The following CDC73 variants were observed in gnomAD, a reference collection of about 807,000 sequenced individuals.
CDC73 encodes parafibromin.
Under a neutral mutation model 83.7 loss-of-function variants are expected in CDC73, and 21 were observed. That is an observed-to-expected ratio of 0.25 (90% CI 0.18 to 0.36). CDC73 has a LOEUF of 0.36. Ranked by LOEUF, CDC73 falls within the 10% of genes least tolerant of loss-of-function variation. The pLI is 1.00. For missense variants in CDC73, 342 were observed against 653.3 expected (o/e 0.52, Z 5.19); for synonymous variants, 224 against 212.9 (o/e 1.05, Z -0.45).
At chr1:193,137,831 G>A (rs1347471196) in intron 5 of CDC73, among the ~76,000 whole-genome samples, 1 of 152,166 alleles carries the variant, frequency 6.6e-6, no homozygotes, top group African/African-American at 2.4e-5. Flanking sequence ...TATGGGAAGA[G>A]CACTTAATCA....
At chr1:193,169,654 T>C (rs1169093175) in intron 10 of CDC73, among the ~76,000 whole-genome samples, 1 of 152,244 alleles carries the variant, frequency 6.6e-6, no homozygotes, top group Non-Finnish European at 1.5e-5. Flanking sequence ...GATGCAAGAA[T>C]ATTAAATGAA....
chr1:193,225,670 A>AT (rs968926611), intron 13 of CDC73, among the ~76,000 whole-genome samples: 9 of 151,686 alleles, frequency 5.9e-5, no homozygotes, highest in East Asian at 1.9e-4. Context: ...GATGTTGAGC[A>AT]TTTTTTTCAT....
chr1:193,137,081 T>A (rs72731068), intron 5 of CDC73, among the ~76,000 whole-genome samples: 1 of 152,180 alleles, frequency 6.6e-6, no homozygotes, highest in African/African-American at 2.4e-5. Flanking sequence ...TTTGAGGATC[T>A]ATAAGGAACT....
chr1:193,174,311 C>A (rs559793091), intron 10 of CDC73, among the ~76,000 whole-genome samples: 6 of 151,660 alleles, frequency 4.0e-5, no homozygotes, highest in Non-Finnish European at 7.4e-5. Flanking sequence ...TTTTCAGGAC[C>A]CTTTTTCTTC....
chr1:193,227,453 C>G (rs1286508724), intron 13 of CDC73, among the ~76,000 whole-genome samples: 2 of 150,778 alleles, frequency 1.3e-5, no homozygotes, highest in Non-Finnish European at 3.0e-5. Context: ...AGCCTAGGCA[C>G]TACAGCAAGA....
intron 6 of CDC73, 53 bp downstream of exon 6, chr1:193,138,226 T>C (rs1675835678): frequency 8.6e-7 from 1 of 1,164,220 alleles, no homozygotes; most frequent in African/African-American, 1.5e-5. Context: ...TGTAAAAGTA[T>C]AAGGAAAAGG....
chr1:193,148,851 A>G (rs894223749), intron 8 of CDC73, among the ~76,000 whole-genome samples: 5 of 151,580 alleles, frequency 3.3e-5, no homozygotes, highest in African/African-American at 9.7e-5. Context: ...CGTCCTGTTC[A>G]AGACCAGGCC....
intron 10 of CDC73, chr1:193,181,687 A>G: frequency 2.1e-6 from 2 of 952,590 alleles, no homozygotes; most frequent in Non-Finnish European, 3.0e-6. Context: ...GTCATTCTAT[A>G]AAAATGAAGC....
At chr1:193,154,746 G>C (rs1676178364) in intron 10 of CDC73, among the ~76,000 whole-genome samples, 1 of 152,100 alleles carries the variant, frequency 6.6e-6, no homozygotes, top group South Asian at 2.1e-4. Context: ...TTATTTTTTA[G>C]TTGTGTCTCA....
intron 5 of CDC73, among the ~76,000 whole-genome samples, chr1:193,137,575 C>T (rs1385848440): frequency 6.6e-6 from 1 of 152,114 alleles, no homozygotes; most frequent in African/African-American, 2.4e-5. Context: ...TGAAGTGGCC[C>T]ATGAGGCGTT....
intron 8 of CDC73, among the ~76,000 whole-genome samples, chr1:193,149,120 A>G (rs1676060941): frequency 6.6e-6 from 1 of 152,182 alleles, no homozygotes; most frequent in African/African-American, 2.4e-5. Flanking sequence ...AGTGCCTTCT[A>G]TTAGGAAGTC....
chr1:193,197,695 G>T (rs751350891), intron 10 of CDC73, among the ~76,000 whole-genome samples: 1 of 152,056 alleles, frequency 6.6e-6, no homozygotes, highest in Non-Finnish European at 1.5e-5. Context: ...GGAGGCTGAG[G>T]TGGGTGGATC....
At chr1:193,127,991 A>G (rs1208268017) in intron 2 of CDC73, 2 of 151,558 alleles carry the variant, frequency 1.3e-5, no homozygotes, top group African/African-American at 4.9e-5. Context: ...GGGGTTCACC[A>G]CGTTAGCCAG....
intron 11 of CDC73, among the ~76,000 whole-genome samples, chr1:193,211,070 C>A (rs1490844565): frequency 6.6e-6 from 1 of 152,070 alleles, no homozygotes; most frequent in Non-Finnish European, 1.5e-5. Context: ...CTCTTTTTTG[C>A]TAGACCTGAA....
chr1:193,168,995 C>G lies in CDC73; in HGVS notation c.972+16551C>G, dbSNP rs370674074. 3.3e-5 allele frequency among the ~76,000 whole-genome samples: 5 copies of G among 152,060 alleles called. No homozygotes were observed. In the East Asian group the frequency reaches 9.7e-4, roughly 29 times the overall value. Reference sequence around the variant, plus strand: ...TTTCAACCATTTAAAGTGTAAAAACCAGTCTTGGCCTGTGTGCCATACAAA... The same window carrying G: ...TTTCAACCATTTAAAGTGTAAAAACGAGTCTTGGCCTGTGTGCCATACAAA... On this transcript the variant is annotated intron_variant, in intron 10 of 16. Transcript: ENST00000367435.
chr1:193,204,205 GTGTA>G (rs1677140548), intron 11 of CDC73, among the ~76,000 whole-genome samples: 1 of 13,972 alleles, frequency 7.2e-5, no homozygotes, highest in African/African-American at 3.2e-4. Context: ...ATATATATAC[GTGTA>G]TATATATGTA....
At position 193,212,134 on chromosome 1, in the gene CDC73, TA is replaced by T. The variant is rs756481827; in HGVS notation, c.1066+39del. On this transcript the variant is annotated intron_variant, in intron 12 of 16. Transcript: ENST00000367435. ...GTGCATATGATTTTAAACTTAACTTTAAAAAGTAAATGATTGCAAAACCAGG... is the reference window on the plus strand; with the variant it reads ...GTGCATATGATTTTAAACTTAACTTTAAAAGTAAATGATTGCAAAACCAGG... 9.3e-6 allele frequency: 14 copies of T among 1,512,334 alleles called. No individual in the cohort carries two copies. The Admixed American group carries it at 2.6e-4, about 28-fold the overall frequency. The allele number at this position is 1,512,334 out of a possible 1,614,324, so 93.7% of individuals were successfully genotyped here.
rs1678101275 is a variant in CDC73, at chr1:193,254,610, G to A, written c.*3898G>A. Among the ~76,000 whole-genome samples, 1 of 152,074 alleles carries A rather than the reference G, an allele frequency of 6.6e-6. No homozygotes were observed. Among genetic ancestry groups the A allele is most frequent in the Admixed American group, 6.5e-5 (1 of 15,270 alleles). On this transcript the variant is annotated 3_prime_UTR_variant, in exon 17 of 17. Transcript: ENST00000367435. ...GAAAAATTGAAAATGTATAATAGAT[G>A]TATAAAGATTTATATTTAGTTAGTA...
rs145015420 is a variant in CDC73, at chr1:193,148,054, A to G, written c.828+89A>G. 3.0e-4 allele frequency: 260 copies of G among 874,402 alleles called. 1 individual carries two copies. In the East Asian group the frequency reaches 6.5e-3, roughly 22 times the overall value. The allele number at this position is 874,402 out of a possible 1,614,324, so 54.2% of individuals were successfully genotyped here. A position where few individuals can be genotyped will look rare whatever the true frequency, so the allele number is the denominator to read the frequency against. ...AACGTTGAAGACATCTTCACATTTT[A>G]AAATCAGTGGATTCTAAACCTTTTG... On this transcript the variant is annotated intron_variant, in intron 8 of 16. Transcript: ENST00000367435.
Sources: gnomAD v4.1 joint callset for allele counts (sites outside exome capture counted in the v4.1 genomes callset) on GRCh38, gnomAD v4.1.1 for gene constraint, MANE v1.5 for transcripts, NCBI Gene and HGNC (gene_info 2026-07-23, HGNC 2026-07-21) for gene names.